CHGB: variants seen among roughly 807,000 people sequenced by gnomAD.
The protein encoded by CHGB is chromogranin B.
In CHGB, 46 loss-of-function variants were observed where a neutral mutation model predicts 69.9. The observed-to-expected ratio is 0.66, with a 90% CI of 0.52 to 0.84. CHGB has a LOEUF of 0.84. Among genes scored for constraint, CHGB ranks in the 40% least tolerant of loss-of-function variants. The pLI, the probability that CHGB is intolerant of heterozygous loss-of-function variation, is 0.00. For synonymous variants in CHGB, 312 were observed against 298.2 expected (o/e 1.05, Z -0.48); for missense variants, 796 against 822.2 (o/e 0.97, Z 0.39).
At position 5,923,415 on chromosome 20, in the gene CHGB, G is replaced by A; in HGVS notation, c.1271G>A (p.Gly424Glu). ...GKGRHHRGRGGEPRAYFMSDT... is the reference protein window; with the variant it reads ...GKGRHHRGRGEEPRAYFMSDT... ...GGACGCCATCACAGAGGCAGGGGAG[G>A]GGAGCCACGTGCCTATTTCATGTCT... The change falls in exon 4 of 5, where the codon GGG becomes GAG. Residue 424 changes from glycine (G) to glutamate (E), a missense_variant. Gly to Glu is a moderately conservative substitution (Grantham distance 98). Transcript: ENST00000378961. 3.1e-6 allele frequency: 5 copies of A among 1,614,052 alleles called. No homozygotes were observed. The highest frequency in any genetic ancestry group is 4.2e-6 in the Non-Finnish European group (5 of 1,179,986).
chr20:5,924,152 C>T (rs2088536319), intron 4 of CHGB, 52 bp downstream of exon 4: 1 of 1,498,574 alleles, frequency 6.7e-7, no homozygotes, highest in South Asian at 1.3e-5. Context: ...AATGTTAGCA[C>T]ATTATGTTCA....
chr20:5,919,246 C>G lies in CHGB; in HGVS notation c.190+2327C>G, dbSNP rs965935237. ...TGGCATAGTAACTCTAGCCTCTGCT[C>G]CAGCCCTGATTATGCCCTGAGGTCT... On this transcript the variant is annotated intron_variant, in intron 3 of 4. Transcript: ENST00000378961. Among the ~76,000 whole-genome samples the G allele has an allele frequency of 3.3e-5, 5 of 152,202 alleles. No individual in the cohort carries two copies. In the South Asian group the frequency reaches 8.3e-4, roughly 25 times the overall value.
chr20:5,916,394 A>G lies in CHGB; in HGVS notation c.96+22A>G, dbSNP rs76791154. ...AATGGTAAGTTGCAATGTCAATCTT[A>G]GAATCTAGACTTGTGTCTAGACTCT... On this transcript the variant is annotated intron_variant, in intron 2 of 4. Coordinates refer to ENST00000378961, the MANE Select transcript of CHGB (RefSeq NM_001819.3). 20,228 of 1,599,932 alleles carry G rather than the reference A, an allele frequency of 0.013. 1,651 individuals carry two copies. In the East Asian group the frequency reaches 0.25, roughly 20 times the overall value.
rs557269752 is a variant in CHGB at position 5,912,036 on chromosome 20, T to C, written c.49+354T>C. Among the ~76,000 whole-genome samples, 27 of 152,314 alleles carry C rather than the reference T, an allele frequency of 1.8e-4. 1 individual carries two copies. In the South Asian group the frequency reaches 5.4e-3, roughly 30 times the overall value. On this transcript the variant is annotated intron_variant, in intron 1 of 4. Coordinates refer to ENST00000378961, the MANE Select transcript of CHGB (RefSeq NM_001819.3). The stretch of plus-strand genomic sequence containing the variant: ...TCTCTGCCCGTCTAGAGAGATTCTG[T>C]TGTCTGATTCTGTATCTGTTTGGCT...
At chr20:5,920,731 C>T (rs550828760) in intron 3 of CHGB, among the ~76,000 whole-genome samples, 34 of 152,328 alleles carry the variant, frequency 2.2e-4, no homozygotes, top group Admixed American at 1.6e-3. Context: ...TCCCTGTGCC[C>T]ATCTGGCTAG....
At chr20:5,915,423 C>A (rs1241724728) in intron 1 of CHGB, 1 of 152,082 alleles carries the variant, frequency 6.6e-6, no homozygotes, top group African/African-American at 2.4e-5. Flanking sequence ...TGATGCTGTA[C>A]TAGGAGGGTT....
At position 5,922,421 on chromosome 20, in the gene CHGB, T is replaced by A. The variant is rs6085324; in HGVS notation, c.277T>A (p.Ser93Thr). 437,949 of 1,609,730 alleles carry A rather than the reference T, an allele frequency of 0.27. 62,086 individuals carry two copies. The highest frequency in any genetic ancestry group is 0.39 in the East Asian group (17,602 of 44,692). Residue 93 changes from serine (S) to threonine (T), a missense_variant, in exon 4 of 5, where the codon TCG (serine) becomes ACG (threonine). Transcript: ENST00000378961. ...VRLLRDPADA[S>T]EAHESSSRGE... ...ATTGTTAAGAGACCCAGCTGATGCC[T>A]CGGAAGCCCACGAGTCCTCCAGCAG...
chr20:5,911,633 C>T lies in CHGB; in HGVS notation c.-1C>T, dbSNP rs984359281. 6.6e-7 allele frequency: 1 copy of T among 1,515,192 alleles called. No individual in the cohort carries two copies. Among genetic ancestry groups the T allele is most frequent in the African/African-American group, 1.4e-5 (1 of 69,202 alleles). 93.9% of individuals were successfully genotyped at this position (1,515,192 alleles called of 1,614,324 possible). On this transcript the variant is annotated 5_prime_UTR_variant, in exon 1 of 5. Transcript: ENST00000378961. ...CCGCACAGGGGCCGCCGAGCGGGGC[C>T]ATGCAGCCAACGCTGCTTCTCAGCC...
At chr20:5,916,393 T>A (rs769281045) in intron 2 of CHGB, 21 bp downstream of exon 2, 1 of 1,600,044 alleles carries the variant, frequency 6.2e-7, no homozygotes, top group South Asian at 1.1e-5. Context: ...ATGTCAATCT[T>A]AGAATCTAGA....
chr20:5,916,533 C>G lies in CHGB; in HGVS notation c.96+161C>G, dbSNP rs186434274. Among the ~76,000 whole-genome samples the G allele has an allele frequency of 3.3e-5, 5 of 152,338 alleles. No individual in the cohort carries two copies. In the East Asian group the frequency reaches 9.6e-4, roughly 29 times the overall value. The stretch of plus-strand genomic sequence containing the variant: ...CAAGGGATGCCCCTCCTGCACTGAG[C>G]TCCTATGTCCTGTCAGGATGGTTTA... On this transcript the variant is annotated intron_variant, in intron 2 of 4. Transcript: ENST00000378961.
intron 3 of CHGB, among the ~76,000 whole-genome samples, chr20:5,919,263 C>CTGAGGTCT (rs2088499453): frequency 1.3e-5 from 2 of 152,186 alleles, no homozygotes; most frequent in Admixed American, 1.3e-4. Flanking sequence ...TGATTATGCC[C>CTGAGGTCT]TGAGGTCTTT....
chr20:5,917,524 C>T (rs6133277), intron 3 of CHGB: 1 of 154,032 alleles, frequency 6.5e-6, no homozygotes, highest in African/African-American at 2.4e-5. Context: ...AGTTCCAGGC[C>T]TGAGAACTGG....
chr20:5,922,994 C>A lies in CHGB; in HGVS notation c.850C>A (p.His284Asn), dbSNP rs959112926. 1 of 1,610,324 alleles carries A rather than the reference C, an allele frequency of 6.2e-7. No homozygotes were observed. Among genetic ancestry groups the A allele is most frequent in the Non-Finnish European group, 8.5e-7 (1 of 1,178,230 alleles). ...VDKRRTRPRHHHGRSRPDRSS... is the reference protein window; with the variant it reads ...VDKRRTRPRHNHGRSRPDRSS... ...CAAACGACGCACGAGGCCCAGACAC[C>A]ACCACGGGAGGAGCAGGCCCGACAG... Residue 284 changes from histidine to asparagine, a missense_variant, in exon 4 of 5, where the codon CAC becomes AAC. By Grantham distance (68) the His-to-Asn change is moderately conservative (BLOSUM62 1). Transcript: ENST00000378961.
intron 1 of CHGB, among the ~76,000 whole-genome samples, chr20:5,915,177 G>T (rs1169054791): frequency 6.6e-6 from 1 of 152,080 alleles, no homozygotes; most frequent in Non-Finnish European, 1.5e-5. Context: ...AATAGAAAGG[G>T]CTTAGAACAA....
At chr20:5,924,803 C>A (rs1378390861) in intron 4 of CHGB, among the ~76,000 whole-genome samples, 169 bp from the exon 5 acceptor site, 1 of 152,204 alleles carries the variant, frequency 6.6e-6, no homozygotes, top group Non-Finnish European at 1.5e-5. Context: ...CTGACAAGTT[C>A]CTGGCTGATG....
intron 1 of CHGB, 80 bp downstream of exon 1, chr20:5,911,762 G>T (rs570181115): frequency 3.1e-6 from 4 of 1,283,154 alleles, no homozygotes; most frequent in Non-Finnish European, 4.0e-6. Flanking sequence ...AGCCAGGCTG[G>T]CGGATCCCGG....
chr20:5,925,174 T>C lies in CHGB; in HGVS notation c.*125T>C, dbSNP rs939562074. ...AGTAGAACTTACTATTCATTAAATG[T>C]TTGACACAATTGGAATTGTCTTTAA... On this transcript the variant is annotated 3_prime_UTR_variant, in exon 5 of 5. Coordinates refer to ENST00000378961, the MANE Select transcript of CHGB (RefSeq NM_001819.3). 6.9e-6 allele frequency: 4 copies of C among 578,498 alleles called. No individual in the cohort carries two copies. In the East Asian group the frequency reaches 9.0e-5, roughly 13 times the overall value. The allele number at this position is 578,498 out of a possible 1,614,324, so 35.8% of individuals were successfully genotyped here.
At chr20:5,912,758 T>A (rs907014860) in intron 1 of CHGB, among the ~76,000 whole-genome samples, 1 of 152,164 alleles carries the variant, frequency 6.6e-6, no homozygotes, top group African/African-American at 2.4e-5. Flanking sequence ...GCTGTTTTAA[T>A]GATTTAGAAA....
rs745962450 is a variant in CHGB at position 5,911,628 on chromosome 20, G to C, written c.-6G>C. 5 of 1,516,516 alleles carry C rather than the reference G, an allele frequency of 3.3e-6. No homozygotes were observed. Among genetic ancestry groups the C allele is most frequent in the African/African-American group, 1.4e-5 (1 of 69,374 alleles). The allele number at this position is 1,516,516 out of a possible 1,614,324, so 93.9% of individuals were successfully genotyped here. On this transcript the variant is annotated 5_prime_UTR_variant, in exon 1 of 5. Coordinates refer to ENST00000378961, the MANE Select transcript of CHGB (RefSeq NM_001819.3). ...CCTTTCCGCACAGGGGCCGCCGAGC[G>C]GGGCCATGCAGCCAACGCTGCTTCT... is the stretch of plus-strand genomic sequence containing the variant.
Sources: gnomAD v4.1 joint callset for allele counts (sites outside exome capture counted in the v4.1 genomes callset) on GRCh38, gnomAD v4.1.1 for gene constraint, MANE v1.5 for transcripts, NCBI Gene and HGNC (gene_info 2026-07-23, HGNC 2026-07-21) for gene names.